The following SEM1 variants were observed in gnomAD, a reference collection of about 807,000 sequenced individuals.
SEM1 encodes the protein 26S proteasome complex subunit SEM1.
In SEM1, 3 loss-of-function variants were observed where a neutral mutation model predicts 12.7. The ratio of observed to expected loss-of-function variants is 0.24; its 90% confidence interval spans 0.11 to 0.61. SEM1 has a LOEUF of 0.61. Ranked by LOEUF, SEM1 falls within the 20% of genes least tolerant of loss-of-function variation. The pLI is 0.88. For synonymous variants in SEM1, 30 were observed against 27.8 expected (o/e 1.08, Z -0.25); for missense variants, 59 against 81.3 (o/e 0.73, Z 1.06).
chr7:96,588,349 AACAAACACACACACACACAC>A (rs1181559831), intron 2 of SEM1, among the ~76,000 whole-genome samples: 2 of 72,800 alleles, frequency 2.7e-5, no homozygotes, highest in Non-Finnish European at 5.5e-5. Flanking sequence ...CATGTCTAAA[AACAAACACACACACACACAC>A]ACACACACAC....
At chr7:96,694,450 A>C (rs1031149356) in intron 2 of SEM1, among the ~76,000 whole-genome samples, 1 of 151,990 alleles carries the variant, frequency 6.6e-6, no homozygotes, top group East Asian at 1.9e-4. Flanking sequence ...GAGAATCACC[A>C]ATCTATTAGG....
intron 1 of SEM1, chr7:96,696,337 G>A (rs762539988): frequency 9.2e-5 from 14 of 151,980 alleles, no homozygotes; most frequent in South Asian, 2.1e-4. Flanking sequence ...TAGTTCTTTC[G>A]TATTACTATA....
chr7:96,628,328 C>T (rs146151316), intron 2 of SEM1, among the ~76,000 whole-genome samples: 232 of 151,948 alleles, frequency 1.5e-3, no homozygotes, highest in African/African-American at 5.4e-3. Context: ...TTTAATTTTC[C>T]TCCTGTCTTT....
chr7:96,659,926 A>AAC (rs1554430873), intron 2 of SEM1, among the ~76,000 whole-genome samples: 59 of 147,580 alleles, frequency 4.0e-4, no homozygotes, highest in African/African-American at 9.9e-4. Context: ...AAAAAAAAAA[A>AAC]AAAACAAAAA....
At chr7:96,510,272 C>G (rs1375186896) in intron 2 of SEM1, among the ~76,000 whole-genome samples, 1 of 152,042 alleles carries the variant, frequency 6.6e-6, no homozygotes, top group Non-Finnish European at 1.5e-5. Context: ...CTGAGAAATG[C>G]AATGTGTGTG....
chr7:96,661,077 C>T (rs984949548), intron 2 of SEM1, among the ~76,000 whole-genome samples: 1 of 151,918 alleles, frequency 6.6e-6, no homozygotes, highest in African/African-American at 2.4e-5. Context: ...TTATAGTAGC[C>T]CTTTAAAGTG....
At chr7:96,491,759 A>C (rs757091756) in intron 1 of SEM1, among the ~76,000 whole-genome samples, 4 of 152,260 alleles carry the variant, frequency 2.6e-5, no homozygotes, top group Admixed American at 6.5e-5. Context: ...TGCAAGATGC[A>C]CAGTAATATA....
At chr7:96,556,596 C>A (rs1481119204) in intron 2 of SEM1, among the ~76,000 whole-genome samples, 2 of 150,356 alleles carry the variant, frequency 1.3e-5, no homozygotes, top group Admixed American at 6.6e-5. Context: ...GAGGGTAACC[C>A]GACCTTTCTC....
intron 2 of SEM1, among the ~76,000 whole-genome samples, chr7:96,605,323 C>T (rs1034442083): frequency 6.6e-6 from 1 of 151,994 alleles, no homozygotes; most frequent in Non-Finnish European, 1.5e-5. Context: ...GAATTTTTTT[C>T]CCCAAAATAA....
chr7:96,677,549 T>C (rs1427022469), intron 2 of SEM1, among the ~76,000 whole-genome samples: 1 of 152,120 alleles, frequency 6.6e-6, no homozygotes, highest in Non-Finnish European at 1.5e-5. Flanking sequence ...AGGGGATTTA[T>C]TGAAAGGAAG....
intron 2 of SEM1, among the ~76,000 whole-genome samples, chr7:96,529,506 C>T (rs956612373): frequency 4.6e-5 from 7 of 151,972 alleles, no homozygotes; most frequent in African/African-American, 1.7e-4. Flanking sequence ...TTATCTCTTC[C>T]TCATAAAAAT....
intron 2 of SEM1, among the ~76,000 whole-genome samples, chr7:96,661,949 T>C (rs560484134): frequency 5.1e-4 from 76 of 147,914 alleles, no homozygotes; most frequent in African/African-American, 1.9e-3. Flanking sequence ...GATCATGCCA[T>C]TGCACTCCAG....
chr7:96,507,459 C>G (rs1803789748), intron 2 of SEM1, among the ~76,000 whole-genome samples: 1 of 152,062 alleles, frequency 6.6e-6, no homozygotes, highest in South Asian at 2.1e-4. Context: ...GCCAACATAA[C>G]CAGTCTCCAA....
intron 2 of SEM1, among the ~76,000 whole-genome samples, chr7:96,522,730 C>CCG (rs1804321066): frequency 8.0e-6 from 1 of 125,096 alleles, no homozygotes; most frequent in African/African-American, 2.7e-5. Context: ...ATACCCCCCC[C>CCG]CCAAAAAAAA....
At chr7:96,557,880 A>T (rs1427870473) in intron 2 of SEM1, among the ~76,000 whole-genome samples, 2 of 152,074 alleles carry the variant, frequency 1.3e-5, no homozygotes, top group Non-Finnish European at 2.9e-5. Context: ...CAGGTGTGGG[A>T]TATAATCTCG....
chr7:96,674,816 C>A (rs921159862), intron 2 of SEM1, among the ~76,000 whole-genome samples: 1 of 148,272 alleles, frequency 6.7e-6, no homozygotes, highest in Admixed American at 6.6e-5. Flanking sequence ...AACTCATGGG[C>A]ATTGAAAAAT....
At chr7:96,534,866 T>C (rs1804742375) in intron 2 of SEM1, among the ~76,000 whole-genome samples, 1 of 152,058 alleles carries the variant, frequency 6.6e-6, no homozygotes, top group Admixed American at 6.6e-5. Flanking sequence ...TGTTAACATG[T>C]ATACTTACTG....
At chr7:96,607,946 TG>T (rs1362764254) in intron 2 of SEM1, among the ~76,000 whole-genome samples, 1 of 152,150 alleles carries the variant, frequency 6.6e-6, no homozygotes, top group East Asian at 1.9e-4. Context: ...GATATTAAAA[TG>T]ATAGAGAAAT....
At chr7:96,604,978 A>T (rs1358777577) in intron 2 of SEM1, among the ~76,000 whole-genome samples, 2 of 152,106 alleles carry the variant, frequency 1.3e-5, no homozygotes, top group African/African-American at 2.4e-5. Flanking sequence ...AAGAATAGCT[A>T]GAATCAAATC....
Sources: allele counts gnomAD v4.1 joint callset (sites outside exome capture counted in the v4.1 genomes callset), GRCh38; gene constraint gnomAD v4.1.1; transcripts MANE v1.5; gene names NCBI Gene and HGNC (gene_info 2026-07-23, HGNC 2026-07-21).